The following HTR3B variants were observed in gnomAD, a reference collection of about 807,000 sequenced individuals.
The protein encoded by HTR3B is 5-hydroxytryptamine receptor 3B.
Under a neutral mutation model 42.8 loss-of-function variants are expected in HTR3B, and 44 were observed. The ratio of observed to expected loss-of-function variants is 1.03; its 90% CI spans 0.81 to 1.32. The LOEUF (loss-of-function observed/expected upper bound fraction) is 1.32, where lower values mean the gene tolerates loss of function less well. HTR3B is among the 40% of genes most tolerant of loss of function. The probability of loss-of-function intolerance (pLI) is 0.00; values close to 1 mark genes in which losing one functional copy is unlikely to be tolerated. For missense variants in HTR3B, 527 were observed against 536.5 expected (o/e 0.98, Z 0.17); for synonymous variants, 203 against 209.0 (o/e 0.97, Z 0.25).
chr11:113,932,865 G>A, intron 5 of HTR3B, 71 bp from the exon 6 acceptor site: 8 of 1,506,076 alleles, frequency 5.3e-6, no homozygotes, highest in Non-Finnish European at 7.3e-6. Flanking sequence ...TTCGAATTGG[G>A]AGCTGGAAAA....
chr11:113,938,892 G>A (rs1015305880), intron 6 of HTR3B, among the ~76,000 whole-genome samples: 4 of 152,158 alleles, frequency 2.6e-5, no homozygotes, highest in Non-Finnish European at 5.9e-5. Context: ...CTACGCAGGA[G>A]GCTGAGGCAG....
rs574149792 is a variant in HTR3B at position 113,935,656 on chromosome 11, G to C, written c.696+2563G>C. 8.5e-5 allele frequency among the ~76,000 whole-genome samples: 13 copies of C among 152,176 alleles called. No individual in the cohort carries two copies. In the East Asian group the frequency reaches 1.9e-3, roughly 23 times the overall value. On this transcript the variant is annotated intron_variant, in intron 6 of 8. Transcript: ENST00000260191. ...TCCCACTCTGAATTTAGCAACCAAGGCACCTGGCTTTCCTTCAACAGCCCT... is the reference window on the plus strand; with the variant it reads ...TCCCACTCTGAATTTAGCAACCAAGCCACCTGGCTTTCCTTCAACAGCCCT...
rs374680011 is a variant in HTR3B at position 113,904,831 on chromosome 11, GA to G, written c.-101del. ...AGGATAGCATCAACTGGCAAACGGA[GA>G]AGGAGGAGAACAGAGTGGAGAGGAA... On this transcript the variant is annotated 5_prime_UTR_variant, in exon 1 of 9. Coordinates refer to ENST00000260191, the MANE Select transcript of HTR3B (RefSeq NM_006028.5). 7.2e-6 allele frequency: 5 copies of G among 697,122 alleles called. No individual in the cohort carries two copies. The East Asian group carries it at 1.7e-4, about 24-fold the overall frequency. The allele number at this position is 697,122 out of a possible 1,614,324, so 43.2% of individuals were successfully genotyped here.
At chr11:113,933,767 G>A (rs892914394) in intron 6 of HTR3B, among the ~76,000 whole-genome samples, 6 of 152,194 alleles carry the variant, frequency 3.9e-5, no homozygotes, top group African/African-American at 1.4e-4. Flanking sequence ...GTACTCCAGA[G>A]GCAGCCATTG....
rs2137521362 is a variant in HTR3B at position 113,931,750 on chromosome 11, A to G, written c.259-8A>G. On this transcript the variant is annotated splice_polypyrimidine_tract_variant and splice_region_variant and intron_variant, in intron 3 of 8. Coordinates refer to ENST00000260191, the MANE Select transcript of HTR3B (RefSeq NM_006028.5). ...TTGATAAGTTTTCTTTTTGGCTACT[A>G]CTAACAGGTCTGGAATGATGAATTT... 1.9e-6 allele frequency: 3 copies of G among 1,549,500 alleles called. No individual in the cohort carries two copies. Among genetic ancestry groups the G allele is most frequent in the Non-Finnish European group, 2.7e-6 (3 of 1,121,202 alleles).
At chr11:113,931,289 T>G in intron 2 of HTR3B, 95 bp from the exon 3 acceptor site, 1 of 883,048 alleles carries the variant, frequency 1.1e-6, no homozygotes, top group East Asian at 2.4e-5. Flanking sequence ...TTTGGTTAGA[T>G]TTGATTTTCT....
At chr11:113,941,993 G>A (rs1950138815) in intron 6 of HTR3B, among the ~76,000 whole-genome samples, 1 of 152,164 alleles carries the variant, frequency 6.6e-6, no homozygotes, top group Non-Finnish European at 1.5e-5. Flanking sequence ...AAATTTAATT[G>A]TGCAAGTTTT....
At chr11:113,934,162 A>G (rs1262680797) in intron 6 of HTR3B, among the ~76,000 whole-genome samples, 1 of 152,186 alleles carries the variant, frequency 6.6e-6, no homozygotes, top group Non-Finnish European at 1.5e-5. Context: ...CAAGGCAGGC[A>G]GATCATTTGA....
intron 6 of HTR3B, among the ~76,000 whole-genome samples, chr11:113,936,392 G>A (rs1037874407): frequency 4.6e-5 from 7 of 152,060 alleles, no homozygotes; most frequent in East Asian, 1.9e-4. Context: ...AATGCAAAGC[G>A]GGCATTTGGG....
intron 6 of HTR3B, 110 bp from the exon 7 acceptor site, chr11:113,942,872 A>G: frequency 1.2e-6 from 1 of 852,684 alleles, no homozygotes; most frequent in Non-Finnish European, 1.9e-6. Flanking sequence ...GATTTTTCAC[A>G]TTATGCAAAA....
At chr11:113,905,600 C>A (rs1236639050) in intron 1 of HTR3B, among the ~76,000 whole-genome samples, 1 of 151,952 alleles carries the variant, frequency 6.6e-6, no homozygotes. Flanking sequence ...TTCTAAATTT[C>A]TAGAACTATA....
In HTR3B at chr11:113,931,808, T is replaced by C; in HGVS notation, c.309T>C (p.Ile103=). Residue 103 remains isoleucine, a synonymous_variant, in exon 4 of 9, where the codon ATT becomes ATC. Transcript: ENST00000260191. ...GGAACTCCAGCATGTTTGATGAGATTAGAGAGATCTCCCTACCTCTAAGTG... is the reference window on the plus strand; with the variant it reads ...GGAACTCCAGCATGTTTGATGAGATCAGAGAGATCTCCCTACCTCTAAGTG... ...LSWNSSMFDE[I]REISLPLSAI... 1 of 1,613,032 alleles carries C rather than the reference T, an allele frequency of 6.2e-7. No individual in the cohort carries two copies. The highest frequency in any genetic ancestry group is 8.5e-7 in the Non-Finnish European group (1 of 1,178,950).
chr11:113,936,561 G>GA (rs1304845628), intron 6 of HTR3B, among the ~76,000 whole-genome samples: 1 of 151,990 alleles, frequency 6.6e-6, no homozygotes, highest in Non-Finnish European at 1.5e-5. Flanking sequence ...GAGAGAGAGA[G>GA]AAAGAGAGAG....
intron 1 of HTR3B, 140 bp from the exon 2 acceptor site, chr11:113,909,155 C>G: frequency 4.4e-6 from 3 of 688,956 alleles, no homozygotes; most frequent in Non-Finnish European, 7.6e-6. Context: ...GCCCCACCAG[C>G]TGGCTGTGAA....
chr11:113,905,441 G>A (rs1203240906), intron 1 of HTR3B, among the ~76,000 whole-genome samples: 1 of 152,130 alleles, frequency 6.6e-6, no homozygotes, highest in Non-Finnish European at 1.5e-5. Context: ...ACAGATATAT[G>A]TATATCATTT....
At chr11:113,926,610 C>A (rs1210179858) in intron 2 of HTR3B, among the ~76,000 whole-genome samples, 3 of 151,622 alleles carry the variant, frequency 2.0e-5, no homozygotes, top group African/African-American at 7.3e-5. Context: ...CTCATTGCAA[C>A]CTTCAGCTCC....
chr11:113,920,427 G>A (rs200769071), intron 2 of HTR3B, among the ~76,000 whole-genome samples: 2 of 151,702 alleles, frequency 1.3e-5, no homozygotes, highest in East Asian at 3.9e-4. Context: ...CCAGGATGTA[G>A]TGCAGTGGCA....
chr11:113,903,512 C>A (rs1460866144), upstream of HTR3B, among the ~76,000 whole-genome samples: 1 of 150,128 alleles, frequency 6.7e-6, no homozygotes, highest in Non-Finnish European at 1.5e-5. Flanking sequence ...TCATGGCAAC[C>A]TCCACCTCCT....
At chr11:113,920,723 A>G (rs746747214) in intron 2 of HTR3B, among the ~76,000 whole-genome samples, 1 of 152,152 alleles carries the variant, frequency 6.6e-6, no homozygotes, top group East Asian at 1.9e-4. Flanking sequence ...CTAAGATCTT[A>G]GAAAATATTG....
Sources: allele counts gnomAD v4.1 joint callset (sites outside exome capture counted in the v4.1 genomes callset), GRCh38; gene constraint gnomAD v4.1.1; transcripts MANE v1.5; gene names NCBI Gene and HGNC (gene_info 2026-07-23, HGNC 2026-07-21).